The following ERC2 variants were observed in gnomAD, a reference collection of about 807,000 sequenced individuals.
ERC2 encodes ELKS/RAB6-interacting/CAST family member 2.
ERC2 carries 42 observed loss-of-function variants against 114.8 expected under a neutral mutation model. The ratio of observed to expected loss-of-function variants is 0.37; its 90% CI spans 0.29 to 0.47. ERC2 has a LOEUF of 0.47. Among genes scored for constraint, ERC2 ranks in the 20% least tolerant of loss-of-function variants. The pLI, the probability that ERC2 is intolerant of heterozygous loss-of-function variation, is 0.99. For synonymous variants in ERC2, 454 were observed against 425.5 expected, an observed-to-expected ratio of 1.07 and a Z score of -0.82; for missense variants, 939 against 1,150.7, an observed-to-expected ratio of 0.82 and a Z score of 2.66.
chr3:55,828,263 A>G (rs2060413723), intron 14 of ERC2, among the ~76,000 whole-genome samples: 1 of 152,224 alleles, frequency 6.6e-6, no homozygotes, highest in Non-Finnish European at 1.5e-5. Flanking sequence ...CGGACAAAAT[A>G]CAAACGCAAA....
chr3:55,886,152 C>G (rs752052210), intron 14 of ERC2, among the ~76,000 whole-genome samples: 60 of 152,116 alleles, frequency 3.9e-4, no homozygotes, highest in Non-Finnish European at 4.1e-4. Context: ...GACAGGTGAA[C>G]AGGAAAGAAT....
chr3:55,675,424 A>G (rs1401031421), intron 17 of ERC2, among the ~76,000 whole-genome samples: 3 of 152,216 alleles, frequency 2.0e-5, no homozygotes, highest in Non-Finnish European at 4.4e-5. Flanking sequence ...CGTCTTGGTA[A>G]GGCTAATGAC....
intron 13 of ERC2, among the ~76,000 whole-genome samples, chr3:55,910,265 G>A (rs903352408): frequency 2.0e-5 from 3 of 152,054 alleles, no homozygotes; most frequent in East Asian, 1.9e-4. Context: ...GGTGGTGTAC[G>A]CCTGTAATCC....
Position 56,296,208 on chromosome 3 carries a change from T to A in ERC2, c.885A>T (p.Lys295Asn). The A allele has an allele frequency of 6.2e-7, 1 of 1,614,006 alleles. No individual in the cohort carries two copies. Among genetic ancestry groups the A allele is most frequent in the Non-Finnish European group, 8.5e-7 (1 of 1,179,882 alleles). Residue 295 changes from lysine (K) to asparagine (N), a missense_variant, in exon 3 of 18, where the codon AAA becomes AAT. Physicochemically the swap from Lys to Asn is moderately conservative, Grantham distance 94. Transcript: ENST00000288221. Reference protein sequence around the residue: ...EEMELRIETQKQTLNARDESI... With the variant: ...EEMELRIETQNQTLNARDESI... ...ACTCATCTCGGGCATTGAGGGTTTGTTTCTGCGTTTCAATTCTCAGCTCCA... is the reference window on the plus strand; with the variant it reads ...ACTCATCTCGGGCATTGAGGGTTTGATTCTGCGTTTCAATTCTCAGCTCCA...
chr3:55,992,397 A>G, intron 10 of ERC2, 147 bp from the exon 11 acceptor site: 2 of 589,530 alleles, frequency 3.4e-6, no homozygotes, highest in South Asian at 6.0e-5. Context: ...GGCAAAATAG[A>G]AAAATCACAC....
chr3:55,645,663 A>G (rs2060362480), intron 17 of ERC2, among the ~76,000 whole-genome samples: 1 of 152,222 alleles, frequency 6.6e-6, no homozygotes, highest in Admixed American at 6.5e-5. Context: ...AGACAGATGT[A>G]CATAGAGTTG....
chr3:56,327,077 C>T (rs1173604286), intron 2 of ERC2, among the ~76,000 whole-genome samples: 1 of 152,232 alleles, frequency 6.6e-6, no homozygotes, highest in Non-Finnish European at 1.5e-5. Flanking sequence ...CCAGTTACAA[C>T]ATGGTCCCAG....
chr3:55,606,157 G>T (rs1200503974), intron 17 of ERC2, among the ~76,000 whole-genome samples: 2 of 152,164 alleles, frequency 1.3e-5, no homozygotes, highest in African/African-American at 4.8e-5. Context: ...ACAACAGATA[G>T]TCCAAACTCC....
chr3:55,796,646 G>A (rs1406739587), intron 14 of ERC2, among the ~76,000 whole-genome samples: 1 of 152,112 alleles, frequency 6.6e-6, no homozygotes, highest in Non-Finnish European at 1.5e-5. Flanking sequence ...GGCTGGTCTT[G>A]ACTCCTGACC....
At chr3:56,298,313 G>A (rs2055591453) in intron 2 of ERC2, among the ~76,000 whole-genome samples, 1 of 152,178 alleles carries the variant, frequency 6.6e-6, no homozygotes, top group Non-Finnish European at 1.5e-5. Context: ...GTTTATCCAT[G>A]TGGTAGTGTG....
At chr3:56,394,658 C>A (rs2060240943) in intron 2 of ERC2, among the ~76,000 whole-genome samples, 2 of 152,094 alleles carry the variant, frequency 1.3e-5, no homozygotes, top group Admixed American at 1.3e-4. Context: ...ACTAAAATCA[C>A]AATGAGATAC....
At position 55,854,138 on chromosome 3, in the gene ERC2, G is replaced by T. The variant is rs147522076; in HGVS notation, c.2564+34251C>A. ...AAAAATACAAAAATTAGCTGGGCAT[G>T]GTGGCAGGCGCCTGTAGTCCCAGCT... On this transcript the variant is annotated intron_variant, in intron 14 of 17. Transcript: ENST00000288221. Among the ~76,000 whole-genome samples the T allele has an allele frequency of 3.9e-3, 595 of 152,246 alleles. 1 individual carries two copies. The highest frequency in any genetic ancestry group is 0.014 in the African/African-American group (563 of 41,542).
intron 17 of ERC2, among the ~76,000 whole-genome samples, chr3:55,564,418 A>G (rs2056231047): frequency 6.6e-6 from 1 of 152,196 alleles, no homozygotes; most frequent in Non-Finnish European, 1.5e-5. Flanking sequence ...CCCATAATTT[A>G]ACCAGTTGTG....
intron 2 of ERC2, among the ~76,000 whole-genome samples, chr3:56,346,793 G>A (rs532273997): frequency 5.9e-5 from 9 of 152,278 alleles, no homozygotes; most frequent in South Asian, 2.1e-4. Flanking sequence ...AGACTGGGAC[G>A]TCCAATATGT....
intron 12 of ERC2, among the ~76,000 whole-genome samples, chr3:55,979,425 C>G (rs530606772): frequency 6.6e-6 from 1 of 152,276 alleles, no homozygotes; most frequent in East Asian, 1.9e-4. Context: ...GCATTCATCC[C>G]AGGTTAAAAT....
At chr3:55,959,101 C>T (rs2068179977) in intron 12 of ERC2, among the ~76,000 whole-genome samples, 1 of 152,188 alleles carries the variant, frequency 6.6e-6, no homozygotes, top group Non-Finnish European at 1.5e-5. Flanking sequence ...CCTGCCCCAA[C>T]CCTCTTCTAG....
intron 13 of ERC2, among the ~76,000 whole-genome samples, chr3:55,918,700 G>A (rs1029958002): frequency 1.3e-5 from 2 of 151,542 alleles, no homozygotes; most frequent in Non-Finnish European, 2.9e-5. Context: ...CCCTATCATA[G>A]GATAAGAAGC....
chr3:55,948,699 A>G (rs1195120347), intron 13 of ERC2, among the ~76,000 whole-genome samples: 3 of 152,212 alleles, frequency 2.0e-5, no homozygotes, highest in Non-Finnish European at 4.4e-5. Flanking sequence ...TTGCTATACA[A>G]AAGTTCATGG....
chr3:56,275,846 T>C (rs1322519466), intron 3 of ERC2, among the ~76,000 whole-genome samples: 1 of 152,168 alleles, frequency 6.6e-6, no homozygotes, highest in Non-Finnish European at 1.5e-5. Flanking sequence ...GGGGGAGTAA[T>C]GCTACTAACA....
Sources: gnomAD v4.1 joint callset for allele counts (sites outside exome capture counted in the v4.1 genomes callset) on GRCh38, gnomAD v4.1.1 for gene constraint, MANE v1.5 for transcripts, NCBI Gene and HGNC (gene_info 2026-07-23, HGNC 2026-07-21) for gene names.